ZFHX4: variants seen among roughly 807,000 people sequenced by gnomAD.
The protein encoded by ZFHX4 is zinc finger homeobox 4, also known as zinc finger homeobox protein 4.
ZFHX4 carries 56 observed loss-of-function variants against 267.6 expected under a neutral mutation model. The ratio of observed to expected loss-of-function variants is 0.21; its 90% CI spans 0.17 to 0.26. The LOEUF (loss-of-function observed/expected upper bound fraction) is 0.26, where lower values mean the gene tolerates loss of function less well. ZFHX4 is among the 10% of genes least tolerant of loss of function. The pLI is 1.00. For synonymous variants in ZFHX4, 1,778 were observed against 1,665.6 expected (o/e 1.07, Z -1.64); for missense variants, 4,332 against 4,420.0 (o/e 0.98, Z 0.56).
intron 4 of ZFHX4, among the ~76,000 whole-genome samples, chr8:76,803,278 G>A (rs1811165335): frequency 6.6e-6 from 1 of 152,020 alleles, no homozygotes; most frequent in South Asian, 2.1e-4. Flanking sequence ...GTGTGTGTGT[G>A]TGTGTGGTAT....
intron 4 of ZFHX4, among the ~76,000 whole-genome samples, chr8:76,823,152 G>C (rs1005301729): frequency 1.4e-5 from 2 of 142,838 alleles, no homozygotes; most frequent in East Asian, 4.1e-4. Context: ...TTTTTTAACA[G>C]TGAGACACCT....
chr8:76,803,900 T>C (rs962381798), intron 4 of ZFHX4, among the ~76,000 whole-genome samples: 2 of 152,148 alleles, frequency 1.3e-5, no homozygotes, highest in Non-Finnish European at 2.9e-5. Flanking sequence ...TATATTCACA[T>C]TGTAATTATA....
intron 5 of ZFHX4, among the ~76,000 whole-genome samples, chr8:76,840,889 C>A (rs1437944666): frequency 6.6e-6 from 1 of 152,226 alleles, no homozygotes; most frequent in Middle Eastern, 3.2e-3. Flanking sequence ...ACTTTACCTA[C>A]CAGCGTGGCC....
rs1807526566 is a variant in ZFHX4, at chr8:76,681,462, T to G, written c.-205T>G. ...ATGCCCCCCACTTTCTGCTCCAGCG[T>G]TTTTATTTTCACCCAATAAAGTTCG... On this transcript the variant is annotated 5_prime_UTR_variant, in exon 1 of 11. Coordinates refer to ENST00000651372, the MANE Select transcript of ZFHX4 (RefSeq NM_024721.5). 1 of 398,160 alleles carries G rather than the reference T, an allele frequency of 2.5e-6. No homozygotes were observed. The highest frequency in any genetic ancestry group is 2.1e-5 in the African/African-American group (1 of 48,396). The allele number at this position is 398,160 out of a possible 1,614,324, so 24.7% of individuals were successfully genotyped here.
chr8:76,778,791 C>A (rs2131774256), intron 4 of ZFHX4, among the ~76,000 whole-genome samples: 2 of 152,200 alleles, frequency 1.3e-5, no homozygotes, highest in South Asian at 4.2e-4. Context: ...TTAAAAGTTT[C>A]TTTGCTGCCA....
chr8:76,757,145 G>A (rs1040349073), intron 3 of ZFHX4, among the ~76,000 whole-genome samples: 2 of 152,196 alleles, frequency 1.3e-5, no homozygotes, highest in East Asian at 1.9e-4. Context: ...CAAGAGGCAC[G>A]AGGTTGGGCA....
intron 3 of ZFHX4, among the ~76,000 whole-genome samples, chr8:76,734,562 G>T (rs2131668972): frequency 6.6e-6 from 1 of 152,186 alleles, no homozygotes; most frequent in Non-Finnish European, 1.5e-5. Flanking sequence ...TCATTAGTCT[G>T]CTTTTGTAAC....
At chr8:76,833,469 T>C (rs1395462401) in intron 5 of ZFHX4, 63 bp downstream of exon 5, 1 of 1,238,370 alleles carries the variant, frequency 8.1e-7, no homozygotes, top group Non-Finnish European at 1.2e-6. Context: ...TTTGTTACTC[T>C]CATAATTGAT....
Position 76,705,769 on chromosome 8 carries a change from G to C in ZFHX4, c.1681G>C (p.Asp561His). 1 of 1,614,004 alleles carries C rather than the reference G, an allele frequency of 6.2e-7. No individual in the cohort carries two copies. Among genetic ancestry groups the C allele is most frequent in the Non-Finnish European group, 8.5e-7 (1 of 1,179,900 alleles). The change falls in exon 2 of 11, where the codon GAC (aspartate) becomes CAC (histidine). Residue 561 changes from aspartate to histidine, a missense_variant. Physicochemically the swap from Asp to His is moderately conservative, Grantham distance 81. Around this residue, in one of 7 missense-constraint regions of ZFHX4, gnomAD observed 1,195 missense variants for 1,173.6 expected, o/e 1.02. Coordinates refer to ENST00000651372, the MANE Select transcript of ZFHX4 (RefSeq NM_024721.5). ...NYGISGKDFA[D>H]ASASKDSATA... is the part of the protein sequence containing the mutation. Reference sequence around the variant, plus strand: ...TGGCATCAGTGGCAAGGACTTTGCAGACGCAAGTGCCAGTAAAGACAGTGC... The same window carrying C: ...TGGCATCAGTGGCAAGGACTTTGCACACGCAAGTGCCAGTAAAGACAGTGC...
At chr8:76,712,948 G>A (rs1808465262) in intron 3 of ZFHX4, among the ~76,000 whole-genome samples, 1 of 152,086 alleles carries the variant, frequency 6.6e-6, no homozygotes, top group Non-Finnish European at 1.5e-5. Flanking sequence ...TAGTAGAATA[G>A]TACATACTTG....
chr8:76,791,164 C>A (rs1037610093), intron 4 of ZFHX4, among the ~76,000 whole-genome samples: 12 of 152,122 alleles, frequency 7.9e-5, no homozygotes, highest in African/African-American at 2.9e-4. Context: ...CTTTTCCTTG[C>A]CATTCATTGA....
intron 3 of ZFHX4, among the ~76,000 whole-genome samples, chr8:76,760,437 A>G (rs1460479266): frequency 6.6e-6 from 1 of 152,194 alleles, no homozygotes; most frequent in African/African-American, 2.4e-5. Context: ...ACTTGCTTTC[A>G]TGGAGGTACA....
rs755556345 is a variant in ZFHX4, at chr8:76,850,924, G to A, written c.4003G>A (p.Glu1335Lys). Residue 1335 changes from glutamate (E) to lysine (K), a missense_variant, in exon 10 of 11, where the codon GAG becomes AAG. Glu to Lys is a moderately conservative substitution (Grantham distance 56). Coordinates refer to ENST00000651372, the MANE Select transcript of ZFHX4 (RefSeq NM_024721.5). The stretch of plus-strand genomic sequence containing the variant: ...GGATGACAAAAGCATGGCAGGTCTC[G>A]AGGATTCAAAGGCTAATGTGGAAGT... ...PMDDKSMAGL[E>K]DSKANVEVKN... 5.6e-6 allele frequency: 9 copies of A among 1,611,996 alleles called. 1 individual carries two copies. Among genetic ancestry groups the A allele is most frequent in the Middle Eastern group, 3.3e-4 (2 of 6,080 alleles).
rs1333291518 is a variant in ZFHX4 at position 76,863,618 on chromosome 8, A to G, written c.9904A>G (p.Thr3302Ala). ...GMESLFPYGPTMPQTLAGLSP... is the reference protein window; with the variant it reads ...GMESLFPYGPAMPQTLAGLSP... The stretch of plus-strand genomic sequence containing the variant: ...GGAGAGCCTCTTTCCTTATGGCCCT[A>G]CAATGCCCCAGACACTGGCAGGTCT... Residue 3302 changes from threonine to alanine, a missense_variant, in exon 11 of 11, where the codon ACA becomes GCA. Thr to Ala is a moderately conservative substitution (Grantham distance 58). Transcript: ENST00000651372. The G allele has an allele frequency of 8.7e-6, 14 of 1,613,296 alleles. No homozygotes were observed. Among genetic ancestry groups the G allele is most frequent in the Middle Eastern group, 1.6e-4 (1 of 6,080 alleles).
At chr8:76,834,283 G>A (rs1302974354) in intron 5 of ZFHX4, 2 of 236,732 alleles carry the variant, frequency 8.4e-6, no homozygotes, top group South Asian at 5.0e-5. Flanking sequence ...TATGATAAGA[G>A]CATGTTTAGT....
At chr8:76,842,208 G>A (rs1441787712) in intron 5 of ZFHX4, among the ~76,000 whole-genome samples, 1 of 152,038 alleles carries the variant, frequency 6.6e-6, no homozygotes, top group African/African-American at 2.4e-5. Flanking sequence ...TCTGAAAGCT[G>A]GAGTAACACC....
chr8:76,732,819 C>T (rs1463111624), intron 3 of ZFHX4, among the ~76,000 whole-genome samples: 1 of 152,150 alleles, frequency 6.6e-6, no homozygotes, highest in South Asian at 2.1e-4. Flanking sequence ...ATGGAGCTGT[C>T]ATTTTTTTCA....
At chr8:76,753,278 AAATG>A (rs1372649545) in intron 3 of ZFHX4, among the ~76,000 whole-genome samples, 1 of 152,210 alleles carries the variant, frequency 6.6e-6, no homozygotes, top group Non-Finnish European at 1.5e-5. Flanking sequence ...CTATATGGAT[AAATG>A]ACACAAGATG....
chr8:76,708,482 C>T (rs569409374), intron 3 of ZFHX4, among the ~76,000 whole-genome samples: 8 of 151,884 alleles, frequency 5.3e-5, no homozygotes, highest in African/African-American at 7.2e-5. Flanking sequence ...CAAACAATGA[C>T]GCTCCAAACA....
Sources: allele counts gnomAD v4.1 joint callset (sites outside exome capture counted in the v4.1 genomes callset), GRCh38; gene constraint gnomAD v4.1.1; regional missense constraint gnomAD v4.1.1; transcripts MANE v1.5; gene names NCBI Gene and HGNC (gene_info 2026-07-23, HGNC 2026-07-21).